Variants in APP observed in about 807,000 individuals in gnomAD.
The protein encoded by APP is amyloid-beta precursor protein.
A neutral mutation model predicts 101.4 loss-of-function variants in APP; 31 were observed. That is an observed-to-expected ratio of 0.31 (90% CI 0.23 to 0.41). The LOEUF (loss-of-function observed/expected upper bound fraction) is 0.41. Ranked by LOEUF, APP falls within the 10% of genes least tolerant of loss-of-function variation. The pLI is 1.00. For synonymous variants in APP, 366 were observed against 364.4 expected, an observed-to-expected ratio of 1.00 and a Z score of -0.05; for missense variants, 839 against 1,003.7, an observed-to-expected ratio of 0.84 and a Z score of 2.22.
intron 3 of APP, among the ~76,000 whole-genome samples, chr21:26,087,095 T>C (rs2061720584): frequency 6.6e-6 from 1 of 152,234 alleles, no homozygotes; most frequent in Non-Finnish European, 1.5e-5. Context: ...TTCAGTTCCT[T>C]TTCCTGAAAG....
chr21:25,923,168 G>C (rs2039708193), intron 13 of APP, among the ~76,000 whole-genome samples: 1 of 105,892 alleles, frequency 9.4e-6, no homozygotes, highest in Non-Finnish European at 1.8e-5. Context: ...GGGAAAACTG[G>C]CTAGCCATAT....
chr21:25,882,401 T>C (rs921749135), intron 17 of APP, among the ~76,000 whole-genome samples: 1 of 148,304 alleles, frequency 6.7e-6, no homozygotes, highest in Non-Finnish European at 1.5e-5. Flanking sequence ...GACGACGCCA[T>C]TCTAGATGAT....
chr21:25,956,414 GTTCCAT>G (rs1242141626), intron 11 of APP, among the ~76,000 whole-genome samples: 2 of 151,938 alleles, frequency 1.3e-5, no homozygotes, highest in Non-Finnish European at 2.9e-5. Flanking sequence ...TTTCTAATTG[GTTCCAT>G]TTCATTTTTA....
At chr21:25,900,259 A>G (rs2938855) in intron 15 of APP, among the ~76,000 whole-genome samples, 4 of 151,992 alleles carry the variant, frequency 2.6e-5, no homozygotes, top group African/African-American at 9.7e-5. Flanking sequence ...CGTGCCAAGC[A>G]CGGTGGCTCA....
chr21:26,131,017 G>T (rs1234054352), intron 1 of APP, among the ~76,000 whole-genome samples: 2 of 152,120 alleles, frequency 1.3e-5, no homozygotes, highest in Admixed American at 1.3e-4. Flanking sequence ...ATCACGTGAG[G>T]TCGGGAGTTC....
chr21:26,084,824 A>G (rs983000685), intron 3 of APP, among the ~76,000 whole-genome samples: 1 of 152,230 alleles, frequency 6.6e-6, no homozygotes, highest in Non-Finnish European at 1.5e-5. Context: ...TGGTGTTTTC[A>G]AAACTAAAGT....
intron 16 of APP, among the ~76,000 whole-genome samples, chr21:25,896,433 CACAAA>C (rs377238489): frequency 1.2e-3 from 185 of 152,118 alleles, no homozygotes; most frequent in African/African-American, 2.7e-3. Context: ...CACACACACA[CACAAA>C]ACAAAACAAA....
intron 1 of APP, among the ~76,000 whole-genome samples, chr21:26,135,487 CAAT>C (rs1349000356): frequency 1.3e-5 from 2 of 152,194 alleles, no homozygotes; most frequent in African/African-American, 4.8e-5. Flanking sequence ...AAATTCAATC[CAAT>C]TACTCCACAG....
At chr21:25,976,490 A>G (rs2042229059) in intron 9 of APP, among the ~76,000 whole-genome samples, 1 of 152,362 alleles carries the variant, frequency 6.6e-6, no homozygotes. Flanking sequence ...TGTCATGAAT[A>G]CAATGCCAAA....
intron 17 of APP, among the ~76,000 whole-genome samples, chr21:25,887,517 GAAAAAAAAA>G (rs199637906): frequency 9.1e-4 from 104 of 114,454 alleles, no homozygotes; most frequent in African/African-American, 3.4e-3. Context: ...CTGCTTATTT[GAAAAAAAAA>G]AAAAAAAAAA....
intron 13 of APP, among the ~76,000 whole-genome samples, chr21:25,932,650 T>C (rs7283265): frequency 1.7e-4 from 26 of 152,032 alleles, no homozygotes; most frequent in South Asian, 4.1e-4. Context: ...TTCTTTAAGA[T>C]AGTTACTTTA....
chr21:25,980,080 A>T (rs142901117), intron 9 of APP, among the ~76,000 whole-genome samples: 16 of 152,312 alleles, frequency 1.1e-4, no homozygotes, highest in African/African-American at 3.8e-4. Flanking sequence ...ACTCAATGCC[A>T]AGGGCAAAGG....
intron 2 of APP, among the ~76,000 whole-genome samples, chr21:26,101,029 C>T (rs2062043159): frequency 6.6e-6 from 1 of 151,592 alleles, no homozygotes; most frequent in South Asian, 2.1e-4. Context: ...CCAAGAAGTG[C>T]ACTGCATGTT....
At chr21:26,163,602 AT>A (rs2063545308) in intron 1 of APP, among the ~76,000 whole-genome samples, 1 of 152,208 alleles carries the variant, frequency 6.6e-6, no homozygotes, top group Non-Finnish European at 1.5e-5. Flanking sequence ...TTTATCACAA[AT>A]ATGGCTTCTG....
At chr21:26,042,085 T>C (rs749808433) in intron 5 of APP, among the ~76,000 whole-genome samples, 10 of 152,194 alleles carry the variant, frequency 6.6e-5, no homozygotes, top group African/African-American at 1.2e-4. Context: ...AGCTTTAATT[T>C]ATCTTTTGTA....
chr21:26,120,931 A>C (rs1395382263), intron 1 of APP, among the ~76,000 whole-genome samples: 1 of 152,146 alleles, frequency 6.6e-6, no homozygotes, highest in Non-Finnish European at 1.5e-5. Flanking sequence ...CACTCCATCA[A>C]GCCATATGTG....
intron 8 of APP, among the ~76,000 whole-genome samples, chr21:25,988,702 CAAA>C (rs537417600): frequency 0.12 from 7,299 of 62,236 alleles, 332 homozygotes; most frequent in African/African-American, 0.2. Flanking sequence ...AACTCTGTCT[CAAA>C]AAAAAAAAAA....
In APP at chr21:25,975,063, G is replaced by C; in HGVS notation, c.1458+7C>G. The C allele has an allele frequency of 6.2e-7, 1 of 1,614,042 alleles. No homozygotes were observed. Among genetic ancestry groups the C allele is most frequent in the East Asian group, 2.2e-5 (1 of 44,860 alleles). ...TGAAGTGTGAACTCGGCTGCAGCGA[G>C]ACCTACCCGAGGAGGAACAGCCTGC... On this transcript the variant is annotated splice_region_variant and intron_variant, in intron 11 of 17. Transcript: ENST00000346798.
rs200319689 is a variant in APP, at chr21:26,053,883, A to AG, written c.356-536_356-535insC. Among the ~76,000 whole-genome samples, 318 of 152,354 alleles carry AG rather than the reference A, an allele frequency of 2.1e-3. 2 individuals are homozygous for AG. Among genetic ancestry groups the AG allele is most frequent in the African/African-American group, 7.3e-3 (304 of 41,594 alleles). ...AGAGAGAGAGAGTTTAATTCAGTTT[A>AG]TTCTGAAAACTGTCCCTCAGACTTT... is the stretch of plus-strand genomic sequence containing the variant. On this transcript the variant is annotated intron_variant, in intron 3 of 17. Coordinates refer to ENST00000346798, the MANE Select transcript of APP (RefSeq NM_000484.4).
Sources: allele counts gnomAD v4.1 joint callset (sites outside exome capture counted in the v4.1 genomes callset), GRCh38; gene constraint gnomAD v4.1.1; transcripts MANE v1.5; gene names NCBI Gene and HGNC (gene_info 2026-07-23, HGNC 2026-07-21).